The following JAKMIP3 variants were observed in gnomAD, a reference collection of about 807,000 sequenced individuals.
JAKMIP3 encodes janus kinase and microtubule-interacting protein 3.
A neutral mutation model predicts 118.5 loss-of-function variants in JAKMIP3; 58 were observed. The ratio of observed to expected loss-of-function variants is 0.49; its 90% confidence interval spans 0.40 to 0.61. JAKMIP3 has a LOEUF of 0.61. Among genes scored for constraint, JAKMIP3 ranks in the 20% least tolerant of loss-of-function variants. The pLI is 0.00. For synonymous variants in JAKMIP3, 486 were observed against 451.2 expected (o/e 1.08, Z -0.98); for missense variants, 950 against 1,109.0 (o/e 0.86, Z 2.04).
intron 1 of JAKMIP3, among the ~76,000 whole-genome samples, chr10:132,091,597 C>T (rs1341879632): frequency 6.6e-6 from 1 of 152,060 alleles, no homozygotes; most frequent in Non-Finnish European, 1.5e-5. Context: ...ATTGCAACCC[C>T]TGCTTTTTTT....
At chr10:132,140,335 AGT>A (rs1564950461) in intron 9 of JAKMIP3, 114 bp from the exon 10 acceptor site, 14 of 1,313,742 alleles carry the variant, frequency 1.1e-5, no homozygotes, top group Non-Finnish European at 1.5e-5. Flanking sequence ...CAGAGATGGG[AGT>A]GTGTCGCAGG....
At chr10:132,139,253 T>TGTAA (rs1554946394) in intron 9 of JAKMIP3, among the ~76,000 whole-genome samples, 1 of 121,778 alleles carries the variant, frequency 8.2e-6, no homozygotes, top group Non-Finnish European at 1.8e-5. Flanking sequence ...TGTGTGTATG[T>TGTAA]GTGTGTGTGT....
rs1038898597 is a variant in JAKMIP3, at chr10:132,184,474, T to G, written c.*3221T>G. The G allele has an allele frequency of 6.6e-6, 1 of 152,248 alleles. No homozygotes were observed. The highest frequency in any genetic ancestry group is 6.5e-5 in the Admixed American group (1 of 15,290). The allele number at this position is 152,248 out of a possible 1,614,324, so 9.4% of individuals were successfully genotyped here. On this transcript the variant is annotated 3_prime_UTR_variant, in exon 24 of 24. Coordinates refer to ENST00000684848, the MANE Select transcript of JAKMIP3 (RefSeq NM_001323087.2). ...CAGTTTAGCCTCAGGAAACTCATATTGTGAATATAGGTATCAAATCATATA... is the reference window on the plus strand; with the variant it reads ...CAGTTTAGCCTCAGGAAACTCATATGGTGAATATAGGTATCAAATCATATA...
intron 1 of JAKMIP3, among the ~76,000 whole-genome samples, chr10:132,097,757 T>G (rs1244191483): frequency 6.6e-6 from 1 of 151,974 alleles, no homozygotes; most frequent in Non-Finnish European, 1.5e-5. Context: ...AAAAGTTTTT[T>G]TTTTTTTTTT....
intron 1 of JAKMIP3, among the ~76,000 whole-genome samples, chr10:132,101,711 G>C (rs2044951158): frequency 6.6e-6 from 1 of 152,060 alleles, no homozygotes; most frequent in African/African-American, 2.4e-5. Flanking sequence ...GGGTGCCGCT[G>C]GAAGGAAGCT....
At chr10:132,098,653 C>T (rs2044355495) in intron 1 of JAKMIP3, among the ~76,000 whole-genome samples, 1 of 152,208 alleles carries the variant, frequency 6.6e-6, no homozygotes, top group African/African-American at 2.4e-5. Flanking sequence ...AGTGGCGTTG[C>T]TCTTCTCCTG....
intron 23 of JAKMIP3, among the ~76,000 whole-genome samples, chr10:132,180,939 G>A (rs573050360): frequency 2.6e-4 from 39 of 152,160 alleles, no homozygotes; most frequent in Non-Finnish European, 5.9e-5. Context: ...TGCATTGTGT[G>A]TACACATGTA....
rs1349934542 is a variant in JAKMIP3, at chr10:132,117,836, CT to C, written c.633+266del. ...GGGGCAGGCCAGACTCTCACCTCCC[CT>C]TTTCCACAAACACCAGCTCTACTTC... On this transcript the variant is annotated intron_variant, in intron 3 of 23. Transcript: ENST00000684848. The surrounding 1 kb of genome is among the most constrained non-coding windows in gnomAD (Gnocchi z 8.6). 6.6e-6 allele frequency among the ~76,000 whole-genome samples: 1 copy of C among 152,190 alleles called. No individual in the cohort carries two copies. Among genetic ancestry groups the C allele is most frequent in the Non-Finnish European group, 1.5e-5 (1 of 68,024 alleles).
At chr10:132,072,748 C>A (rs1008198561) in intron 1 of JAKMIP3, among the ~76,000 whole-genome samples, 1 of 149,916 alleles carries the variant, frequency 6.7e-6, no homozygotes, top group African/African-American at 2.5e-5. Flanking sequence ...ATTCATTATA[C>A]CTCTCTTTTT....
At chr10:132,146,882 C>T (rs1033420527) in intron 13 of JAKMIP3, among the ~76,000 whole-genome samples, 12 of 152,192 alleles carry the variant, frequency 7.9e-5, no homozygotes, top group East Asian at 1.9e-4. Context: ...ACGTAAATGC[C>T]GGCACAGGCA....
chr10:132,082,514 T>G (rs1589770127), intron 1 of JAKMIP3, among the ~76,000 whole-genome samples: 1 of 152,342 alleles, frequency 6.6e-6, no homozygotes, highest in Middle Eastern at 3.4e-3. Flanking sequence ...TCATTTGGAA[T>G]AATAATCTAC....
At chr10:132,172,892 T>C (rs919607547) in intron 23 of JAKMIP3, among the ~76,000 whole-genome samples, 1 of 151,334 alleles carries the variant, frequency 6.6e-6, no homozygotes, top group Non-Finnish European at 1.5e-5. Flanking sequence ...GAAATACATG[T>C]GCAAACCAAC....
chr10:132,140,002 C>A (rs140875094), intron 9 of JAKMIP3, among the ~76,000 whole-genome samples: 1 of 152,328 alleles, frequency 6.6e-6, no homozygotes, highest in Non-Finnish European at 1.5e-5. Flanking sequence ...AAGGCAGGGC[C>A]TCTCACACCA....
chr10:132,068,811 T>C (rs991352255), intron 1 of JAKMIP3, among the ~76,000 whole-genome samples: 7 of 152,200 alleles, frequency 4.6e-5, no homozygotes, highest in African/African-American at 1.7e-4. Context: ...AGGAATGTCC[T>C]GTGGTTGCCA....
At chr10:132,097,345 G>A (rs1286085401) in intron 1 of JAKMIP3, among the ~76,000 whole-genome samples, 1 of 152,156 alleles carries the variant, frequency 6.6e-6, no homozygotes, top group Non-Finnish European at 1.5e-5. Context: ...CCACTCCGCG[G>A]TGAGAAGGGG....
Position 132,117,147 on chromosome 10 carries a change from C to T in JAKMIP3, c.206C>T (p.Ala69Val), listed in dbSNP as rs370393227. Residue 69 changes from alanine to valine, a missense_variant, in exon 3 of 24, where the codon GCG (alanine) becomes GTG (valine). Physicochemically the swap from Ala to Val is moderately conservative, Grantham distance 64 (BLOSUM62 0). Coordinates refer to ENST00000684848, the MANE Select transcript of JAKMIP3 (RefSeq NM_001323087.2). The surrounding 1 kb of genome is among the most constrained non-coding windows in gnomAD (Gnocchi z 8.6). ...QVREHEQHKT[A>V]VLLTELKTKL... is the part of the protein sequence containing the mutation. ...CGCGAGCATGAGCAGCATAAGACCG[C>T]GGTCTTGCTCACGGAGCTCAAGACA... is the stretch of plus-strand genomic sequence containing the variant. The T allele has an allele frequency of 6.3e-5, 102 of 1,613,642 alleles. No individual in the cohort carries two copies. In the African/African-American group the frequency reaches 8.4e-4, roughly 13 times the overall value.
chr10:132,107,709 A>C (rs2046130747), intron 2 of JAKMIP3, among the ~76,000 whole-genome samples: 1 of 152,192 alleles, frequency 6.6e-6, no homozygotes, highest in Non-Finnish European at 1.5e-5. Flanking sequence ...AGTCAGTTCC[A>C]CGTGGAACAG....
chr10:132,119,949 C>A (rs139354830), intron 3 of JAKMIP3, among the ~76,000 whole-genome samples: 1 of 152,188 alleles, frequency 6.6e-6, no homozygotes, highest in Non-Finnish European at 1.5e-5. Context: ...TTTGCATTCC[C>A]GTGAGCAGGA....
chr10:132,061,872 G>T (rs886607002), upstream of JAKMIP3, among the ~76,000 whole-genome samples: 3 of 152,204 alleles, frequency 2.0e-5, no homozygotes, highest in African/African-American at 7.2e-5. Context: ...AAAGTTTCTG[G>T]AGAATGGAAG....
Sources: gnomAD v4.1 joint callset for allele counts (sites outside exome capture counted in the v4.1 genomes callset) on GRCh38, gnomAD v4.1.1 for gene constraint, Gnocchi (gnomAD v3.1) non-coding constraint, MANE v1.5 for transcripts, NCBI Gene and HGNC (gene_info 2026-07-23, HGNC 2026-07-21) for gene names.